The following RIC3 variants were observed in gnomAD, a reference collection of about 807,000 sequenced individuals.
The protein encoded by RIC3 is protein RIC-3.
Under a neutral mutation model 27.3 loss-of-function variants are expected in RIC3, and 28 were observed. The observed-to-expected ratio is 1.02, with a 90% CI of 0.76 to 1.41. The LOEUF is 1.41. Ranked by LOEUF, RIC3 falls within the 40% of genes most tolerant of loss-of-function variation. The probability of loss-of-function intolerance (pLI) is 0.00; values close to 1 mark genes in which losing one functional copy is unlikely to be tolerated. For synonymous variants in RIC3, 184 were observed against 160.4 expected (o/e 1.15, Z -1.11); for missense variants, 501 against 444.7 (o/e 1.13, Z -1.14).
intron 1 of RIC3, among the ~76,000 whole-genome samples, chr11:8,149,844 A>G (rs917710456): frequency 3.9e-5 from 6 of 152,170 alleles, no homozygotes; most frequent in Admixed American, 3.9e-4. Flanking sequence ...CCATTTCAAA[A>G]AAATCCACCA....
rs370950121 is a variant in RIC3, at chr11:8,126,839, T to C, written c.522-32A>G. ...AATATCAGACAATCCAACCATTTAG[T>C]GGTAAATACTCCTAGGCAATGGACG... On this transcript the variant is annotated intron_variant, in intron 4 of 5. Transcript: ENST00000309737. 2.5e-6 allele frequency: 4 copies of C among 1,613,128 alleles called. No individual in the cohort carries two copies. In the African/African-American group the frequency reaches 5.3e-5, roughly 22 times the overall value.
rs1944783133 is a variant in RIC3, at chr11:8,107,415, T to TTTTG, written c.*3279_*3282dup. The TTTTG allele has an allele frequency of 6.6e-6, 1 of 151,978 alleles. No homozygotes were observed. Among genetic ancestry groups the TTTTG allele is most frequent in the Non-Finnish European group, 1.5e-5 (1 of 67,976 alleles). The allele number at this position is 151,978 out of a possible 1,614,324, so 9.4% of individuals were successfully genotyped here. A position where few individuals can be genotyped will look rare whatever the true frequency, so the allele number is the denominator to read the frequency against. On this transcript the variant is annotated 3_prime_UTR_variant, in exon 6 of 6. Transcript: ENST00000309737. ...AGGATATTCTAAAAAGGAAAGAGGGTTTTGTTTGTTTAGTCATCAGGTTCA... is the reference window on the plus strand; with the variant it reads ...AGGATATTCTAAAAAGGAAAGAGGGTTTTGTTTGTTTGTTTAGTCATCAGGTTCA...
rs1262516822 is a variant in RIC3 at position 8,109,921 on chromosome 11, A to G, written c.*777T>C. ...CTGCAGGGCAGGGTCTAAAGTCTCT[A>G]TCTAAAGCTTCCTCTGTCCACTGAA... On this transcript the variant is annotated 3_prime_UTR_variant, in exon 6 of 6. Transcript: ENST00000309737. The G allele has an allele frequency of 1.3e-5, 2 of 152,582 alleles. No individual in the cohort carries two copies. The highest frequency in any genetic ancestry group is 2.4e-5 in the African/African-American group (1 of 41,450). The allele number at this position is 152,582 out of a possible 1,614,324, so 9.5% of individuals were successfully genotyped here. A position where few individuals can be genotyped will look rare whatever the true frequency, so the allele number is the denominator to read the frequency against.
In RIC3 at chr11:8,134,070, C is replaced by T. The variant is rs180871946; in HGVS notation, c.521+3308G>A. ...TGCTGGTTTGTTACATACGTATACA[C>T]GTGCCATGTTGGTGTGCTGCACCCA... On this transcript the variant is annotated intron_variant, in intron 4 of 5. Transcript: ENST00000309737. Among the ~76,000 whole-genome samples the T allele has an allele frequency of 6.2e-4, 94 of 151,782 alleles. 1 individual carries two copies. Among genetic ancestry groups the T allele is most frequent in the Admixed American group, 1.6e-3 (24 of 15,234 alleles).
chr11:8,134,044 G>A (rs970636560), intron 4 of RIC3, among the ~76,000 whole-genome samples: 3 of 151,458 alleles, frequency 2.0e-5, no homozygotes, highest in African/African-American at 7.3e-5. Context: ...TGTGCACAAT[G>A]TGCTGGTTTG....
intron 4 of RIC3, chr11:8,128,087 G>A (rs1208998432): frequency 4.9e-6 from 2 of 404,206 alleles, no homozygotes; most frequent in Non-Finnish European, 4.9e-6. Context: ...GCCTCTGATA[G>A]CTCTATTCTT....
intron 4 of RIC3, among the ~76,000 whole-genome samples, chr11:8,136,330 T>C (rs545625173): frequency 6.6e-5 from 10 of 152,310 alleles, no homozygotes; most frequent in Admixed American, 6.5e-4. Flanking sequence ...AACTACAGTG[T>C]GCTCACAAAG....
At position 8,110,496 on chromosome 11, in the gene RIC3, T is replaced by C; in HGVS notation, c.*202A>G. ...AGGAAGAGAAAGAGCGAAGCTGTCC[T>C]GTGTTCACACTAATGTCCGTGTTTT... On this transcript the variant is annotated 3_prime_UTR_variant, in exon 6 of 6. Coordinates refer to ENST00000309737, the MANE Select transcript of RIC3 (RefSeq NM_001206671.4). 3 of 657,762 alleles carry C rather than the reference T, an allele frequency of 4.6e-6. No homozygotes were observed. The highest frequency in any genetic ancestry group is 3.4e-5 in the South Asian group (2 of 58,706). 40.7% of individuals were successfully genotyped at this position (657,762 alleles called of 1,614,324 possible). A position where few individuals can be genotyped will look rare whatever the true frequency, so the allele number is the denominator to read the frequency against.
intron 1 of RIC3, chr11:8,153,423 T>A: frequency 2.2e-6 from 1 of 453,408 alleles, no homozygotes; most frequent in Non-Finnish European, 4.4e-6. Flanking sequence ...CTCTTAGTTT[T>A]CTGCAATACA....
chr11:8,130,218 C>T (rs968365356), intron 4 of RIC3, among the ~76,000 whole-genome samples: 2 of 152,198 alleles, frequency 1.3e-5, no homozygotes, highest in South Asian at 4.1e-4. Flanking sequence ...TACTAATTAT[C>T]ACATTCCATC....
At chr11:8,116,549 T>G (rs1220932083) in intron 5 of RIC3, among the ~76,000 whole-genome samples, 1 of 152,130 alleles carries the variant, frequency 6.6e-6, no homozygotes, top group African/African-American at 2.4e-5. Context: ...GCAAAATATA[T>G]AAGGAACTCA....
At chr11:8,104,573 C>T (rs956217311), downstream of RIC3, 7 of 152,140 alleles carry the variant, frequency 4.6e-5, no homozygotes, top group African/African-American at 1.7e-4. Context: ...TGGATTTTGT[C>T]CATTCATCTC....
chr11:8,119,306 T>C (rs1946200727), intron 5 of RIC3, among the ~76,000 whole-genome samples: 1 of 152,182 alleles, frequency 6.6e-6, no homozygotes, highest in Non-Finnish European at 1.5e-5. Flanking sequence ...ACTACAAGGC[T>C]ACAGTAACCA....
At chr11:8,094,027 G>T in the RIC3 span, 1 of 1,614,112 alleles carries the variant, frequency 6.2e-7, no homozygotes, top group Non-Finnish European at 8.5e-7. Context: ...CTCTCCATCT[G>T]GGGATGTTTC....
At chr11:8,153,533 C>A in intron 1 of RIC3, 1 of 348,776 alleles carries the variant, frequency 2.9e-6, no homozygotes, top group Non-Finnish European at 5.5e-6. Flanking sequence ...GCACATTACT[C>A]TTCTCTTTTT....
chr11:8,167,380 G>T (rs542099179), intron 1 of RIC3, among the ~76,000 whole-genome samples: 4 of 152,232 alleles, frequency 2.6e-5, no homozygotes, highest in Non-Finnish European at 5.9e-5. Flanking sequence ...TGTCATCAGG[G>T]GAAGTCTCTC....
At chr11:8,101,486 C>T (rs369604607), downstream of RIC3, 35 of 1,614,058 alleles carry the variant, frequency 2.2e-5, no homozygotes, top group South Asian at 2.1e-4. Context: ...TTGGCCCCAG[C>T]GGACTACATC....
intron 1 of RIC3, among the ~76,000 whole-genome samples, chr11:8,151,018 A>G (rs1950174488): frequency 6.6e-6 from 1 of 152,246 alleles, no homozygotes; most frequent in Admixed American, 6.5e-5. Context: ...CCTAATTATA[A>G]GAGCTGAAAC....
At chr11:8,162,442 G>A (rs67923068) in intron 1 of RIC3, among the ~76,000 whole-genome samples, 7,486 of 152,176 alleles carry the variant, frequency 0.049, 239 homozygotes, top group South Asian at 0.099. Flanking sequence ...CTGCCAGGGT[G>A]TCCTTTCTAA....
Sources: allele counts gnomAD v4.1 joint callset (sites outside exome capture counted in the v4.1 genomes callset), GRCh38; gene constraint gnomAD v4.1.1; transcripts MANE v1.5; gene names NCBI Gene and HGNC (gene_info 2026-07-23, HGNC 2026-07-21).